The following TTC23L variants were observed in gnomAD, a reference collection of about 807,000 sequenced individuals.
The protein encoded by TTC23L is tetratricopeptide repeat protein 23-like.
TTC23L carries 42 observed loss-of-function variants against 48.1 expected under a neutral mutation model. The observed-to-expected ratio is 0.87, with a 90% confidence interval of 0.68 to 1.13. TTC23L has a LOEUF of 1.13. Among genes scored for constraint, TTC23L ranks in the 50% most tolerant of loss-of-function variants. TTC23L has a pLI of 0.00. For synonymous variants in TTC23L, 159 were observed against 157.2 expected, an observed-to-expected ratio of 1.01 and a Z score of -0.09; for missense variants, 391 against 421.0, an observed-to-expected ratio of 0.93 and a Z score of 0.62.
intron 8 of TTC23L, among the ~76,000 whole-genome samples, chr5:34,871,732 A>G (rs959648979): frequency 6.6e-6 from 1 of 152,240 alleles, no homozygotes; most frequent in Non-Finnish European, 1.5e-5. Flanking sequence ...TCAGACACCA[A>G]TAATATCTCT....
chr5:34,907,564 TG>T, the TTC23L span: 5 of 152,364 alleles, frequency 3.3e-5, no homozygotes, highest in Admixed American at 3.3e-4. Context: ...ATTATTTTAG[TG>T]ACAACTACCA....
At chr5:34,902,426 TTAATAA>T (rs925433001), downstream of TTC23L, 2 of 392,130 alleles carry the variant, frequency 5.1e-6, no homozygotes, top group African/African-American at 2.0e-5. Context: ...AAAAAATAAA[TTAATAA>T]TAATACAGCT....
downstream of TTC23L, among the ~76,000 whole-genome samples, chr5:34,899,699 G>A (rs1213482701): frequency 1.3e-5 from 2 of 152,044 alleles, no homozygotes; most frequent in Non-Finnish European, 2.9e-5. Context: ...GACCATCCTG[G>A]TCAACACGGT....
chr5:34,864,441 A>G (rs1580449527), exon 6 of TTC23L: 1 of 1,613,680 alleles, frequency 6.2e-7, no homozygotes, highest in Non-Finnish European at 8.5e-7. Context: ...TTTCACTGGC[A>G]GAGAAGCCTA....
intron 4 of TTC23L, among the ~76,000 whole-genome samples, chr5:34,854,932 T>G (rs1429551611): frequency 6.6e-6 from 1 of 152,172 alleles, no homozygotes; most frequent in Non-Finnish European, 1.5e-5. Context: ...TCGGGAAGGT[T>G]GAGTGAAATC....
chr5:34,900,542 C>T (rs1763481547), downstream of TTC23L, among the ~76,000 whole-genome samples: 1 of 152,034 alleles, frequency 6.6e-6, no homozygotes, highest in Non-Finnish European at 1.5e-5. Context: ...ATTTACATTA[C>T]TGTATTTATT....
At chr5:34,851,791 T>TA (rs936857029) in intron 4 of TTC23L, among the ~76,000 whole-genome samples, 1 of 152,190 alleles carries the variant, frequency 6.6e-6, no homozygotes, top group Non-Finnish European at 1.5e-5. Context: ...CTTCAGTACT[T>TA]ATGGAGTTCT....
the TTC23L span, chr5:34,924,795 T>G: frequency 7.6e-7 from 1 of 1,319,920 alleles, no homozygotes; most frequent in Non-Finnish European, 1.1e-6. Flanking sequence ...CCAGTATACC[T>G]TTTGGGAATA....
At chr5:34,925,678 GT>G in the TTC23L span, 1 of 534,264 alleles carries the variant, frequency 1.9e-6, no homozygotes, top group Non-Finnish European at 3.1e-6. Flanking sequence ...GAATTCATCA[GT>G]TAATTTCTGA....
the TTC23L span, chr5:34,922,939 G>A: frequency 7.7e-7 from 1 of 1,291,138 alleles, no homozygotes; most frequent in Non-Finnish European, 1.1e-6. Context: ...AGAAACAAAT[G>A]AGCAAACAGT....
chr5:34,848,366 G>T (rs897026774), intron 3 of TTC23L, among the ~76,000 whole-genome samples: 2 of 152,228 alleles, frequency 1.3e-5, no homozygotes, highest in South Asian at 2.1e-4. Flanking sequence ...CTTTAACCTT[G>T]CTAATAAATG....
downstream of TTC23L, among the ~76,000 whole-genome samples, chr5:34,901,911 A>C (rs926273957): frequency 1.3e-5 from 2 of 152,208 alleles, no homozygotes; most frequent in Non-Finnish European, 2.9e-5. Context: ...ACTGGATTAA[A>C]AAGGCTTGTT....
chr5:34,911,749 T>C, the TTC23L span: 39 of 1,614,138 alleles, frequency 2.4e-5, no homozygotes, highest in Non-Finnish European at 3.3e-5. Context: ...TCCTCCTTCT[T>C]CCAGGAACAG....
intron 8 of TTC23L, among the ~76,000 whole-genome samples, chr5:34,873,017 C>G (rs997396369): frequency 6.6e-6 from 1 of 151,382 alleles, no homozygotes; most frequent in Non-Finnish European, 1.5e-5. Context: ...GAGCCGAGAT[C>G]GCGCCATTGC....
At chr5:34,866,962 G>C in exon 7 of TTC23L, 1 of 1,610,514 alleles carries the variant, frequency 6.2e-7, no homozygotes, top group Non-Finnish European at 8.5e-7. Flanking sequence ...CGATGTTATT[G>C]CTGCCAAGGG....
At chr5:34,854,590 C>T (rs1759968172) in intron 4 of TTC23L, among the ~76,000 whole-genome samples, 1 of 152,170 alleles carries the variant, frequency 6.6e-6, no homozygotes, top group African/African-American at 2.4e-5. Context: ...AATATATAAG[C>T]TGGCCTCCTG....
At chr5:34,845,525 A>G in exon 3 of TTC23L, 1 of 1,613,790 alleles carries the variant, frequency 6.2e-7, no homozygotes. Context: ...CAGCAAACAG[A>G]TGAGTTGTAT....
At chr5:34,909,995 C>A in the TTC23L span, among the ~76,000 whole-genome samples, 1 of 152,100 alleles carries the variant, frequency 6.6e-6, no homozygotes, top group Non-Finnish European at 1.5e-5. Flanking sequence ...TTCCTGGGGT[C>A]CATCTTTTCT....
chr5:34,906,919 T>C, the TTC23L span: 1 of 152,232 alleles, frequency 6.6e-6, no homozygotes, highest in African/African-American at 2.4e-5. Flanking sequence ...TCTTGGTGGT[T>C]ATCTAAACAA....
Sources: gnomAD v4.1 joint callset for allele counts (sites outside exome capture counted in the v4.1 genomes callset) on GRCh38, gnomAD v4.1.1 for gene constraint, MANE v1.5 for transcripts, NCBI Gene and HGNC (gene_info 2026-07-23, HGNC 2026-07-21) for gene names.